Variants in AGBL4 observed in about 807,000 individuals in gnomAD.
AGBL4 encodes the protein cytosolic carboxypeptidase 6.
A neutral mutation model predicts 66.4 loss-of-function variants in AGBL4; 58 were observed. That is an observed-to-expected ratio of 0.87 (90% CI 0.71 to 1.09). AGBL4 has a LOEUF of 1.09. AGBL4 is among the 50% of genes least tolerant of loss of function. The pLI is 0.00. For missense variants in AGBL4, 579 were observed against 631.0 expected, an observed-to-expected ratio of 0.92 and a Z score of 0.88; for synonymous variants, 234 against 222.9, an observed-to-expected ratio of 1.05 and a Z score of -0.44.
At chr1:49,496,212 C>T (rs1334518192) in intron 3 of AGBL4, among the ~76,000 whole-genome samples, 2 of 151,942 alleles carry the variant, frequency 1.3e-5, no homozygotes, top group Non-Finnish European at 2.9e-5. Context: ...AGCTCTGCTA[C>T]TTGGCAGCCA....
chr1:48,776,516 C>A, intron 6 of AGBL4: 1 of 960,668 alleles, frequency 1.0e-6, no homozygotes, highest in Non-Finnish European at 1.4e-6. Context: ...GCAGTGGCTC[C>A]CCCCGGTCCC....
At chr1:48,559,095 A>G (rs1472372451) in intron 11 of AGBL4, among the ~76,000 whole-genome samples, 1 of 152,164 alleles carries the variant, frequency 6.6e-6, no homozygotes, top group Non-Finnish European at 1.5e-5. Flanking sequence ...AGAATGCCTA[A>G]TCTTTCTGTA....
At chr1:49,003,998 C>A (rs563527380) in intron 5 of AGBL4, among the ~76,000 whole-genome samples, 1 of 152,154 alleles carries the variant, frequency 6.6e-6, no homozygotes, top group African/African-American at 2.4e-5. Flanking sequence ...CCAGACTCTC[C>A]GAATAGTCTA....
At chr1:49,470,211 T>C (rs1460937274) in intron 3 of AGBL4, among the ~76,000 whole-genome samples, 1 of 151,970 alleles carries the variant, frequency 6.6e-6, no homozygotes, top group Non-Finnish European at 1.5e-5. Context: ...AATTTTGTCT[T>C]AGATATAATA....
At chr1:49,694,386 T>C (rs1303119523) in intron 3 of AGBL4, among the ~76,000 whole-genome samples, 1 of 152,152 alleles carries the variant, frequency 6.6e-6, no homozygotes, top group African/African-American at 2.4e-5. Flanking sequence ...TGCAGATCTT[T>C]ATGCCTTCTT....
At chr1:48,538,357 T>TA (rs1644007064) in intron 12 of AGBL4, among the ~76,000 whole-genome samples, 1 of 152,180 alleles carries the variant, frequency 6.6e-6, no homozygotes, top group Non-Finnish European at 1.5e-5. Flanking sequence ...ACTAAGCTTG[T>TA]ATCCATTCTA....
chr1:49,045,365 G>A (rs1034038971), intron 5 of AGBL4, among the ~76,000 whole-genome samples: 1 of 151,982 alleles, frequency 6.6e-6, no homozygotes, highest in African/African-American at 2.4e-5. Context: ...TGACTTCCTG[G>A]TGCCCACAGT....
chr1:49,832,456 T>C (rs1190501245), intron 2 of AGBL4, among the ~76,000 whole-genome samples: 37 of 150,656 alleles, frequency 2.5e-4, no homozygotes, highest in African/African-American at 7.0e-4. Flanking sequence ...ACAATAAACA[T>C]ACGTGTGCAT....
chr1:48,634,422 C>T (rs1645636128), intron 9 of AGBL4, 71 bp downstream of exon 9: 12 of 1,304,944 alleles, frequency 9.2e-6, no homozygotes, highest in Admixed American at 2.1e-5. Context: ...AGTGGACTTT[C>T]CCAATACAAT....
rs187727292 is a variant in AGBL4, at chr1:49,323,816, T to C, written c.283-77952A>G. ...AGGCCTGGCAAACTCCCACTACTTC[T>C]AGATCCAGTTCAAAAGATACCTATA... On this transcript the variant is annotated intron_variant, in intron 3 of 13. Coordinates refer to ENST00000371839, the MANE Select transcript of AGBL4 (RefSeq NM_032785.4). 2.6e-5 allele frequency among the ~76,000 whole-genome samples: 4 copies of C among 151,766 alleles called. No individual in the cohort carries two copies. The East Asian group carries it at 7.8e-4, about 30-fold the overall frequency.
intron 8 of AGBL4, among the ~76,000 whole-genome samples, chr1:48,637,565 C>G (rs1041920842): frequency 2.0e-5 from 3 of 152,224 alleles, no homozygotes; most frequent in African/African-American, 7.2e-5. Context: ...GGCTCAGGCA[C>G]CAGCCACTCC....
chr1:48,592,802 A>G (rs1247843167), intron 9 of AGBL4, among the ~76,000 whole-genome samples: 1 of 152,218 alleles, frequency 6.6e-6, no homozygotes, highest in African/African-American at 2.4e-5. Flanking sequence ...AAGGTTGGCC[A>G]GCAAGTTAGT....
At chr1:48,716,815 T>A (rs1647058815) in intron 6 of AGBL4, among the ~76,000 whole-genome samples, 1 of 152,190 alleles carries the variant, frequency 6.6e-6, no homozygotes, top group Admixed American at 6.5e-5. Flanking sequence ...AGCTGGCATT[T>A]CCTGAGCTTG....
At chr1:48,571,891 C>T (rs781322382) in intron 11 of AGBL4, among the ~76,000 whole-genome samples, 4 of 152,094 alleles carry the variant, frequency 2.6e-5, no homozygotes, top group Non-Finnish European at 5.9e-5. Context: ...TTAATTCAGC[C>T]CCTCATCAGA....
chr1:49,213,502 C>G (rs371008593), intron 4 of AGBL4, among the ~76,000 whole-genome samples: 1 of 151,982 alleles, frequency 6.6e-6, no homozygotes, highest in African/African-American at 2.4e-5. Flanking sequence ...CACCTCCCCC[C>G]ACCCTTGCTC....
At chr1:49,653,833 T>C (rs1248462066) in intron 3 of AGBL4, among the ~76,000 whole-genome samples, 1 of 148,778 alleles carries the variant, frequency 6.7e-6, no homozygotes, top group Non-Finnish European at 1.5e-5. Flanking sequence ...ATAAAAAGAC[T>C]GAACGTACGA....
intron 1 of AGBL4, among the ~76,000 whole-genome samples, chr1:49,989,175 G>A (rs1338189135): frequency 6.6e-6 from 1 of 152,054 alleles, no homozygotes; most frequent in East Asian, 1.9e-4. Flanking sequence ...TGGGTTGAAA[G>A]GAATAACAGA....
chr1:49,129,051 A>G (rs1455815513), intron 4 of AGBL4, among the ~76,000 whole-genome samples: 1 of 152,080 alleles, frequency 6.6e-6, no homozygotes, highest in Non-Finnish European at 1.5e-5. Context: ...AAAGATTTAA[A>G]TAGACATTTT....
intron 1 of AGBL4, among the ~76,000 whole-genome samples, chr1:49,914,947 C>T (rs1651245002): frequency 6.6e-6 from 1 of 152,144 alleles, no homozygotes. Flanking sequence ...TTAATCCCTT[C>T]ATGACCTAAT....
Sources: gnomAD v4.1 joint callset for allele counts (sites outside exome capture counted in the v4.1 genomes callset) on GRCh38, gnomAD v4.1.1 for gene constraint, MANE v1.5 for transcripts, NCBI Gene and HGNC (gene_info 2026-07-23, HGNC 2026-07-21) for gene names.